The following RAD50 variants were observed in gnomAD, a reference collection of about 807,000 sequenced individuals.
The protein encoded by RAD50 is DNA repair protein RAD50.
A neutral mutation model predicts 168.8 loss-of-function variants in RAD50; 132 were observed. The observed-to-expected ratio is 0.78, with a 90% confidence interval of 0.68 to 0.90. The LOEUF (loss-of-function observed/expected upper bound fraction) is 0.90, where lower values mean the gene tolerates loss of function less well. RAD50 is among the 40% of genes least tolerant of loss of function. The probability of loss-of-function intolerance (pLI) is 0.00; values close to 1 mark genes in which losing one functional copy is unlikely to be tolerated. For missense variants in RAD50, 1,347 were observed against 1,534.4 expected, an observed-to-expected ratio of 0.88 and a Z score of 2.04; for synonymous variants, 525 against 497.4, an observed-to-expected ratio of 1.06 and a Z score of -0.74.
chr5:132,573,331 G>C (rs1750339787), intron 2 of RAD50, among the ~76,000 whole-genome samples: 1 of 152,162 alleles, frequency 6.6e-6, no homozygotes, highest in Non-Finnish European at 1.5e-5. Flanking sequence ...ATGGTGGAAG[G>C]TGAAAGTCAT....
chr5:132,579,223 T>C (rs1274146230), intron 3 of RAD50, 94 bp from the exon 4 acceptor site: 2 of 1,320,982 alleles, frequency 1.5e-6, no homozygotes, highest in Admixed American at 4.2e-5. Context: ...TTTTTTTTTA[T>C]TCTTTTAAAG....
chr5:132,566,830 C>T (rs576003748), intron 2 of RAD50, among the ~76,000 whole-genome samples: 2 of 152,168 alleles, frequency 1.3e-5, no homozygotes, highest in Non-Finnish European at 2.9e-5. Flanking sequence ...TCTGTAGTCA[C>T]GTAGTGACTC....
intron 21 of RAD50, among the ~76,000 whole-genome samples, chr5:132,628,822 G>T (rs1751413046): frequency 6.6e-6 from 1 of 151,626 alleles, no homozygotes; most frequent in East Asian, 1.9e-4. Context: ...ACTCCAGCCT[G>T]GGCAACAAGA....
chr5:132,609,709 G>A (rs1751052268), intron 19 of RAD50, among the ~76,000 whole-genome samples: 1 of 152,170 alleles, frequency 6.6e-6, no homozygotes, highest in African/African-American at 2.4e-5. Context: ...CTGAACCTGG[G>A]AGGCAGAGGT....
intron 21 of RAD50, among the ~76,000 whole-genome samples, chr5:132,627,423 G>A (rs1751389900): frequency 6.6e-6 from 1 of 152,100 alleles, no homozygotes. Context: ...TAACAAAATG[G>A]GTAGTAGTGG....
chr5:132,621,606 T>C (rs952036736), intron 21 of RAD50, among the ~76,000 whole-genome samples: 3 of 152,190 alleles, frequency 2.0e-5, no homozygotes. Flanking sequence ...CTTTGAGAAG[T>C]TTTTCCCCTT....
intron 21 of RAD50, among the ~76,000 whole-genome samples, chr5:132,633,140 G>T (rs539582159): frequency 7.9e-6 from 1 of 126,100 alleles, no homozygotes; most frequent in African/African-American, 3.2e-5. Flanking sequence ...TAGCTCTGTC[G>T]TCCAGGCTGG....
At chr5:132,560,049 A>ACAC (rs1239829401) in intron 2 of RAD50, among the ~76,000 whole-genome samples, 11 of 136,240 alleles carry the variant, frequency 8.1e-5, no homozygotes, top group African/African-American at 3.6e-4. Context: ...GTGAAACAAC[A>ACAC]ATACACACAC....
chr5:132,585,960 CT>C (rs774165705), intron 5 of RAD50, among the ~76,000 whole-genome samples: 1 of 152,134 alleles, frequency 6.6e-6, no homozygotes, highest in Non-Finnish European at 1.5e-5. Flanking sequence ...TATTTCTTAA[CT>C]GCTTTTCAGA....
chr5:132,611,078 T>A (rs1158062703), intron 19 of RAD50, among the ~76,000 whole-genome samples: 1 of 152,212 alleles, frequency 6.6e-6, no homozygotes, highest in African/African-American at 2.4e-5. Context: ...ATATGCTTGC[T>A]GAAGATTCTA....
In RAD50 at chr5:132,579,997, TA is replaced by T. The variant is rs1750477011; in HGVS notation, c.689del (p.Lys230ArgfsTer5). On this transcript the variant is annotated frameshift_variant, in exon 5 of 25. Transcript: ENST00000378823. LOFTEE classifies it high-confidence loss of function. ...GTGAGATTCGTGATCAGATTACAAGTAAGGAAGCCCAGTTAACATCTTCAAA... is the reference window on the plus strand; with the variant it reads ...GTGAGATTCGTGATCAGATTACAAGTAGGAAGCCCAGTTAACATCTTCAAA... The part of the protein sequence containing the change: ...ACEIRDQITS[K>X]EAQLTSSKEI... The T allele has an allele frequency of 6.2e-7, 1 of 1,612,786 alleles. No homozygotes were observed. The highest frequency in any genetic ancestry group is 8.5e-7 in the Non-Finnish European group (1 of 1,179,372).
intron 19 of RAD50, 105 bp from the exon 20 acceptor site, chr5:132,615,898 T>C: frequency 8.9e-7 from 1 of 1,122,180 alleles, no homozygotes; most frequent in South Asian, 1.3e-5. Flanking sequence ...TTTCACATGA[T>C]TCTAAGTAAG....
intron 24 of RAD50, among the ~76,000 whole-genome samples, chr5:132,641,419 C>T (rs1751718285): frequency 6.6e-6 from 1 of 152,176 alleles, no homozygotes. Context: ...GTGTTTCAGG[C>T]ACTCCTGGCT....
chr5:132,603,833 AAAT>A, intron 14 of RAD50, 84 bp from the exon 15 acceptor site: 1 of 1,255,746 alleles, frequency 8.0e-7, no homozygotes, highest in Non-Finnish European at 1.1e-6. Context: ...TAGATTTAAA[AAAT>A]AAATGATAAG....
chr5:132,639,154 C>T (rs1307230781), intron 23 of RAD50, among the ~76,000 whole-genome samples: 2 of 151,858 alleles, frequency 1.3e-5, no homozygotes, highest in Non-Finnish European at 2.9e-5. Context: ...GTCAGGAGTT[C>T]GAGACCAGCC....
chr5:132,609,607 C>T (rs1380798859), intron 19 of RAD50, among the ~76,000 whole-genome samples: 1 of 152,082 alleles, frequency 6.6e-6, no homozygotes, highest in Non-Finnish European at 1.5e-5. Flanking sequence ...CACAGTGAAA[C>T]CCTGTCTGTA....
intron 21 of RAD50, among the ~76,000 whole-genome samples, chr5:132,633,955 T>G (rs1581018209): frequency 6.6e-6 from 1 of 152,240 alleles, no homozygotes; most frequent in African/African-American, 2.4e-5. Context: ...TGATTTGAAC[T>G]GTTGCAGTTA....
At chr5:132,573,677 G>A (rs574865823) in intron 2 of RAD50, among the ~76,000 whole-genome samples, 9 of 152,304 alleles carry the variant, frequency 5.9e-5, no homozygotes, top group African/African-American at 1.9e-4. Flanking sequence ...GATAAGGCAA[G>A]TCCCTTCTGC....
At chr5:132,637,524 T>C (rs1751610938) in intron 22 of RAD50, among the ~76,000 whole-genome samples, 1 of 132,228 alleles carries the variant, frequency 7.6e-6, no homozygotes. Flanking sequence ...TTTTTTTTTC[T>C]TTTTCTTTTT....
Sources: gnomAD v4.1 joint callset for allele counts (sites outside exome capture counted in the v4.1 genomes callset) on GRCh38, gnomAD v4.1.1 for gene constraint, MANE v1.5 for transcripts, NCBI Gene and HGNC (gene_info 2026-07-23, HGNC 2026-07-21) for gene names.